The following PITPNC1 variants were observed in gnomAD, a reference collection of about 807,000 sequenced individuals.
PITPNC1 encodes phosphatidylinositol transfer protein cytoplasmic 1.
In PITPNC1, 18 loss-of-function variants were observed where a neutral mutation model predicts 44.7. The ratio of observed to expected loss-of-function variants is 0.40; its 90% CI spans 0.28 to 0.60. The LOEUF (loss-of-function observed/expected upper bound fraction) is 0.60, where lower values mean the gene tolerates loss of function less well. Among genes scored for constraint, PITPNC1 ranks in the 20% least tolerant of loss-of-function variants. The pLI is 0.39. For missense variants in PITPNC1, 290 were observed against 418.4 expected, an observed-to-expected ratio of 0.69 and a Z score of 2.68; for synonymous variants, 141 against 149.6, an observed-to-expected ratio of 0.94 and a Z score of 0.42.
At chr17:67,607,189 G>A (rs76098283) in intron 5 of PITPNC1, among the ~76,000 whole-genome samples, 3,405 of 152,340 alleles carry the variant, frequency 0.022, 102 homozygotes, top group East Asian at 0.099. Flanking sequence ...TACTGGCAGA[G>A]CGTCGTTCCA....
intron 6 of PITPNC1, 144 bp from the exon 7 acceptor site, chr17:67,669,364 C>T (rs2042475403): frequency 1.8e-6 from 1 of 557,252 alleles, no homozygotes; most frequent in East Asian, 3.3e-5. Flanking sequence ...GATCCGCCCG[C>T]CTCAGCCTCC....
chr17:67,377,331 G>C lies in PITPNC1; in HGVS notation c.-824G>C, dbSNP rs1199631627. 1 of 152,142 alleles carries C rather than the reference G, an allele frequency of 6.6e-6. No homozygotes were observed. Among genetic ancestry groups the C allele is most frequent in the Non-Finnish European group, 1.5e-5 (1 of 68,014 alleles). The allele number at this position is 152,142 out of a possible 1,614,324, so 9.4% of individuals were successfully genotyped here. On this transcript the variant is annotated 5_prime_UTR_variant, in exon 1 of 9. Coordinates refer to ENST00000581322, the MANE Select transcript of PITPNC1 (RefSeq NM_012417.4). ...CACACTGCATCGGCGCGGACGCTCC[G>C]GCCCCGGCGAGGTGGCTGCAAACTC... is the stretch of plus-strand genomic sequence containing the variant.
intron 5 of PITPNC1, among the ~76,000 whole-genome samples, chr17:67,605,495 A>C (rs1390013688): frequency 6.6e-6 from 1 of 152,182 alleles, no homozygotes; most frequent in African/African-American, 2.4e-5. Flanking sequence ...CCGGTTTTGC[A>C]TCTTCATCCT....
At chr17:67,572,159 G>C (rs2041066547) in intron 4 of PITPNC1, among the ~76,000 whole-genome samples, 1 of 152,060 alleles carries the variant, frequency 6.6e-6, no homozygotes, top group South Asian at 2.1e-4. Flanking sequence ...CTCTCTTCTT[G>C]GAGCAAGTTC....
At chr17:67,420,837 C>A (rs911274460) in intron 1 of PITPNC1, among the ~76,000 whole-genome samples, 2 of 152,200 alleles carry the variant, frequency 1.3e-5, no homozygotes, top group African/African-American at 2.4e-5. Flanking sequence ...GACTTACTTT[C>A]CAGTGTTTCT....
intron 7 of PITPNC1, among the ~76,000 whole-genome samples, chr17:67,671,731 T>C (rs1387536569): frequency 1.2e-4 from 19 of 152,192 alleles, no homozygotes; most frequent in African/African-American, 4.3e-4. Context: ...GAAATCAAGC[T>C]CCAGGATCTC....
chr17:67,478,473 G>A (rs1195076476), intron 1 of PITPNC1, among the ~76,000 whole-genome samples: 3 of 152,090 alleles, frequency 2.0e-5, no homozygotes, highest in South Asian at 4.1e-4. Flanking sequence ...CTTCTCTGCC[G>A]TTTTCAACAA....
At chr17:67,379,046 A>G in intron 1 of PITPNC1, 24 of 985,736 alleles carry the variant, frequency 2.4e-5, no homozygotes, top group Non-Finnish European at 2.8e-5. Flanking sequence ...GGTGACTCAG[A>G]TAGGATTATT....
chr17:67,576,611 C>T (rs1192551956), intron 4 of PITPNC1, among the ~76,000 whole-genome samples: 1 of 149,756 alleles, frequency 6.7e-6, no homozygotes, highest in African/African-American at 2.6e-5. Flanking sequence ...AGTTAATGCC[C>T]AGCTTAGGGC....
At chr17:67,477,908 A>C (rs930866032) in intron 1 of PITPNC1, among the ~76,000 whole-genome samples, 4 of 152,122 alleles carry the variant, frequency 2.6e-5, no homozygotes, top group Admixed American at 6.5e-5. Flanking sequence ...TGGGTGTGTC[A>C]TAATGTAGTC....
chr17:67,683,598 A>AT lies in PITPNC1; in HGVS notation c.682+8057dup, dbSNP rs1396348607. On this transcript the variant is annotated intron_variant, in intron 8 of 8. Coordinates refer to ENST00000581322, the MANE Select transcript of PITPNC1 (RefSeq NM_012417.4). ...CTTTTAGAGAACTACTCTACTAGGA[A>AT]TGTTCATTCCTATGTGGCAAAATTG... is the stretch of plus-strand genomic sequence containing the variant. 3.9e-5 allele frequency among the ~76,000 whole-genome samples: 6 copies of AT among 152,194 alleles called. No homozygotes were observed. In the East Asian group the frequency reaches 7.7e-4, roughly 19 times the overall value.
chr17:67,483,918 C>CTTTT (rs60856668), intron 1 of PITPNC1, among the ~76,000 whole-genome samples: 2 of 111,744 alleles, frequency 1.8e-5, no homozygotes, highest in African/African-American at 6.5e-5. Flanking sequence ...CGTTTTCTTT[C>CTTTT]TTTTTTTTTT....
At chr17:67,402,331 T>G (rs2038328080) in intron 1 of PITPNC1, among the ~76,000 whole-genome samples, 1 of 152,218 alleles carries the variant, frequency 6.6e-6, no homozygotes, top group Non-Finnish European at 1.5e-5. Flanking sequence ...GGCTATGGGC[T>G]GCATTTGGCC....
chr17:67,413,489 C>T (rs1488186397), intron 1 of PITPNC1, among the ~76,000 whole-genome samples: 2 of 143,662 alleles, frequency 1.4e-5, no homozygotes, highest in African/African-American at 2.7e-5. Flanking sequence ...TCGCTATGCT[C>T]AGCCTGTGTG....
chr17:67,403,301 C>T (rs368139230), intron 1 of PITPNC1, among the ~76,000 whole-genome samples: 27 of 149,870 alleles, frequency 1.8e-4, no homozygotes, highest in African/African-American at 6.4e-4. Context: ...GAAATGAAAC[C>T]CTCAATTATA....
At chr17:67,408,676 TTCTTCCTTCCTTC>T (rs2038437851) in intron 1 of PITPNC1, 5 of 48,080 alleles carry the variant, frequency 1.0e-4, no homozygotes, top group South Asian at 1.9e-3. Context: ...TGCTTTCTCT[TTCTTCCTTCCTTC>T]CTTCCTTCCT....
At chr17:67,404,384 GAA>G (rs1462201659) in intron 1 of PITPNC1, among the ~76,000 whole-genome samples, 1 of 152,092 alleles carries the variant, frequency 6.6e-6, no homozygotes, top group Non-Finnish European at 1.5e-5. Context: ...TTGTTTTTTA[GAA>G]AAATATGTCT....
chr17:67,384,576 C>T (rs1249049207), intron 1 of PITPNC1, among the ~76,000 whole-genome samples: 2 of 152,224 alleles, frequency 1.3e-5, no homozygotes, highest in Non-Finnish European at 2.9e-5. Context: ...CAGGCGCCCG[C>T]CACTGCGCCC....
intron 1 of PITPNC1, among the ~76,000 whole-genome samples, chr17:67,441,036 AG>A (rs2039005363): frequency 6.6e-6 from 1 of 152,174 alleles, no homozygotes; most frequent in Admixed American, 6.6e-5. Context: ...TGCATCTGTC[AG>A]GGTTAACCTG....
Sources: gnomAD v4.1 joint callset for allele counts (sites outside exome capture counted in the v4.1 genomes callset) on GRCh38, gnomAD v4.1.1 for gene constraint, MANE v1.5 for transcripts, NCBI Gene and HGNC (gene_info 2026-07-23, HGNC 2026-07-21) for gene names.